Variants in HDAC9 observed in about 807,000 individuals in gnomAD.
HDAC9 encodes the protein MEF-2 interacting transcription repressor (MITR) protein.
HDAC9 carries 41 observed loss-of-function variants against 139.4 expected under a neutral mutation model. The observed-to-expected ratio is 0.29, with a 90% CI of 0.23 to 0.38. HDAC9 has a LOEUF of 0.38. Ranked by LOEUF, HDAC9 falls within the 10% of genes least tolerant of loss-of-function variation. The pLI is 1.00. For missense variants in HDAC9, 1,147 were observed against 1,297.0 expected, an observed-to-expected ratio of 0.88 and a Z score of 1.78; for synonymous variants, 517 against 476.2, an observed-to-expected ratio of 1.09 and a Z score of -1.12.
intron 1 of HDAC9, among the ~76,000 whole-genome samples, chr7:18,155,040 G>T (rs1328152820): frequency 6.7e-6 from 1 of 149,968 alleles, no homozygotes; most frequent in Admixed American, 6.6e-5. Context: ...TTGGACTTCT[G>T]TCCAGTGTGT....
chr7:18,207,269 C>G lies in HDAC9; in HGVS notation c.25+44920C>G, dbSNP rs192158013. On this transcript the variant is annotated intron_variant, in intron 2 of 12. Coordinates refer to the HDAC9 transcript ENST00000417496. ...TTGAAATATCTTATAAGAACATGTT[C>G]AACTTAATAATAATAAAATGTGTAT... Among the ~76,000 whole-genome samples, 26 of 151,882 alleles carry G rather than the reference C, an allele frequency of 1.7e-4. No homozygotes were observed. In the East Asian group the frequency reaches 4.6e-3, roughly 27 times the overall value.
intron 2 of HDAC9, among the ~76,000 whole-genome samples, chr7:18,498,089 T>C (rs1797400396): frequency 6.6e-6 from 1 of 152,166 alleles, no homozygotes; most frequent in Non-Finnish European, 1.5e-5. Flanking sequence ...AGCTAGCTAT[T>C]AAATGAAAAG....
rs532517909 is a variant in HDAC9, at chr7:18,749,105, A to C, written c.2010A>C (p.Arg670=). The change falls in exon 14 of 26, where the codon CGA becomes CGC. Residue 670 remains arginine, a synonymous_variant. Coordinates refer to ENST00000686413, the MANE Select transcript of HDAC9 (RefSeq NM_178425.4). ...HAGRIQSIWS[R]LQETGLLNKC... ...GACGAATACAGAGTATCTGGTCACG[A>C]CTGCAAGAAACTGGGCTGCTAAATA... 4.1e-5 allele frequency: 66 copies of C among 1,613,808 alleles called. No individual in the cohort carries two copies. The Middle Eastern group carries it at 6.6e-4, about 16-fold the overall frequency.
At chr7:18,826,891 A>G (rs946041407) in intron 17 of HDAC9, among the ~76,000 whole-genome samples, 4 of 151,684 alleles carry the variant, frequency 2.6e-5, no homozygotes, top group Admixed American at 6.6e-5. Flanking sequence ...CTACCTCTCA[A>G]TATTATCTGT....
At chr7:18,991,994 A>G (rs920924425) in intron 25 of HDAC9, among the ~76,000 whole-genome samples, 1 of 152,240 alleles carries the variant, frequency 6.6e-6, no homozygotes, top group Non-Finnish European at 1.5e-5. Flanking sequence ...TCAATGAAAA[A>G]TATGAGTAAA....
intron 1 of HDAC9, among the ~76,000 whole-genome samples, chr7:18,384,742 C>G (rs1337070964): frequency 5.3e-5 from 8 of 150,448 alleles, no homozygotes; most frequent in Admixed American, 5.3e-4. Flanking sequence ...CTCTGCCCTG[C>G]TTGATGTCAG....
chr7:18,982,313 G>C (rs926857948), intron 25 of HDAC9, among the ~76,000 whole-genome samples: 1 of 151,892 alleles, frequency 6.6e-6, no homozygotes, highest in African/African-American at 2.4e-5. Flanking sequence ...AGCATATCTG[G>C]TCATGCCTCT....
chr7:18,674,110 T>C (rs1795823065), intron 12 of HDAC9, among the ~76,000 whole-genome samples: 1 of 151,992 alleles, frequency 6.6e-6, no homozygotes, highest in East Asian at 1.9e-4. Context: ...TTCCTTTATC[T>C]CCTATAGGCA....
At chr7:18,259,832 T>C (rs1225312190) in intron 2 of HDAC9, among the ~76,000 whole-genome samples, 4 of 152,202 alleles carry the variant, frequency 2.6e-5, no homozygotes, top group Non-Finnish European at 5.9e-5. Context: ...GAAAGGAATA[T>C]ATTTAGAATT....
chr7:18,136,600 G>T (rs980848505), intron 1 of HDAC9, among the ~76,000 whole-genome samples: 30 of 152,184 alleles, frequency 2.0e-4, no homozygotes, highest in African/African-American at 7.0e-4. Context: ...GTTTGTCAAA[G>T]ATCAGATAGC....
At chr7:18,300,329 A>G (rs1798453623) in intron 1 of HDAC9, among the ~76,000 whole-genome samples, 2 of 152,124 alleles carry the variant, frequency 1.3e-5, no homozygotes, top group African/African-American at 2.4e-5. Context: ...TGACTTTTCC[A>G]AGGAATGACA....
Position 18,749,115 on chromosome 7 carries a change from A to C in HDAC9, c.2020A>C (p.Thr674Pro). Residue 674 changes from threonine to proline, a missense_variant, in exon 14 of 26, where the codon ACT (threonine) becomes CCT (proline). By Grantham distance (38) the Thr-to-Pro change is conservative (BLOSUM62 -1). Around this residue, in one of 7 missense-constraint regions of HDAC9, gnomAD observed 407 missense variants for 521.5 expected, o/e 0.78. Transcript: ENST00000686413. The part of the protein sequence containing the change: ...IQSIWSRLQE[T>P]GLLNKCERIQ... ...GAGTATCTGGTCACGACTGCAAGAAACTGGGCTGCTAAATAAATGTGAGGT... is the reference window on the plus strand; with the variant it reads ...GAGTATCTGGTCACGACTGCAAGAACCTGGGCTGCTAAATAAATGTGAGGT... The C allele has an allele frequency of 1.2e-6, 2 of 1,613,680 alleles. No individual in the cohort carries two copies. Among genetic ancestry groups the C allele is most frequent in the Non-Finnish European group, 1.7e-6 (2 of 1,179,768 alleles).
chr7:18,125,819 T>C (rs1009889815), intron 1 of HDAC9, among the ~76,000 whole-genome samples: 4 of 152,200 alleles, frequency 2.6e-5, no homozygotes, highest in Non-Finnish European at 4.4e-5. Flanking sequence ...TTCAGTTTCA[T>C]ATAATTTTCA....
intron 2 of HDAC9, among the ~76,000 whole-genome samples, chr7:18,263,604 T>C (rs1340165280): frequency 2.3e-5 from 3 of 129,238 alleles, no homozygotes; most frequent in East Asian, 2.4e-4. Context: ...GGTAAGAGTT[T>C]ATAATTGACT....
Position 18,422,828 on chromosome 7 carries a change from C to T in HDAC9, c.-41-73434C>T, listed in dbSNP as rs142873167. 4.0e-5 allele frequency among the ~76,000 whole-genome samples: 6 copies of T among 151,650 alleles called. 1 individual carries two copies. In the South Asian group the frequency reaches 1.3e-3, roughly 32 times the overall value. The stretch of plus-strand genomic sequence containing the variant: ...ATTGGGTTAAAGGTTATTTTTTTCC[C>T]CTCTCAAGACTGGTTTCCTATCTTA... On this transcript the variant is annotated intron_variant, in intron 1 of 3. Transcript: ENST00000413509.
intron 2 of HDAC9, among the ~76,000 whole-genome samples, chr7:18,205,487 A>G (rs796710373): frequency 4.6e-5 from 7 of 152,168 alleles, no homozygotes; most frequent in African/African-American, 1.2e-4. Flanking sequence ...TAAAAATGTA[A>G]TTATACTATA....
chr7:18,407,031 A>G (rs965006848), intron 1 of HDAC9, among the ~76,000 whole-genome samples: 1 of 152,192 alleles, frequency 6.6e-6, no homozygotes, highest in African/African-American at 2.4e-5. Flanking sequence ...TTAAAGGTGT[A>G]TCAATATGTA....
intron 10 of HDAC9, 67 bp downstream of exon 10, chr7:18,648,065 GTC>G: frequency 7.9e-7 from 1 of 1,265,640 alleles, no homozygotes; most frequent in East Asian, 2.5e-5. Flanking sequence ...CCAGGATAAT[GTC>G]TCTTTTACTC....
At chr7:18,581,555 C>G (rs557117362) in intron 2 of HDAC9, among the ~76,000 whole-genome samples, 10 of 152,106 alleles carry the variant, frequency 6.6e-5, no homozygotes, top group Non-Finnish European at 1.5e-4. Flanking sequence ...AGAATGCCAG[C>G]AAGAAGAGAC....
Sources: gnomAD v4.1 joint callset for allele counts (sites outside exome capture counted in the v4.1 genomes callset) on GRCh38, gnomAD v4.1.1 for gene constraint, gnomAD v4.1.1 regional missense constraint, MANE v1.5 for transcripts, NCBI Gene and HGNC (gene_info 2026-07-23, HGNC 2026-07-21) for gene names.